C2orf49: variants seen among roughly 807,000 people sequenced by gnomAD.
C2orf49 encodes the protein tRNA splicing ligase complex subunit 2, also known as tRNA-splicing ligase complex subunit ASW.
A neutral mutation model predicts 20.6 loss-of-function variants in C2orf49; 11 were observed. The observed-to-expected ratio is 0.53, with a 90% CI of 0.34 to 0.88. C2orf49 has a LOEUF of 0.88. Among genes scored for constraint, C2orf49 ranks in the 40% least tolerant of loss-of-function variants. The pLI is 0.02. For synonymous variants in C2orf49, 134 were observed against 108.5 expected (o/e 1.24, Z -1.46); for missense variants, 289 against 274.2 (o/e 1.05, Z -0.38).
In C2orf49 at chr2:105,347,956, T is replaced by C. The variant is rs1457488398; in HGVS notation, c.*2585T>C. On this transcript the variant is annotated 3_prime_UTR_variant, in exon 4 of 4. Transcript: ENST00000258457. Reference sequence around the variant, plus strand: ...GAATTAGTGGGTGGCTTGTAAGTTGTAGTTATAGGCACTTTACCACTTCCT... The same window carrying C: ...GAATTAGTGGGTGGCTTGTAAGTTGCAGTTATAGGCACTTTACCACTTCCT... 6 of 152,232 alleles carry C rather than the reference T, an allele frequency of 3.9e-5. No individual in the cohort carries two copies. Among genetic ancestry groups the C allele is most frequent in the Admixed American group, 3.9e-4 (6 of 15,278 alleles). The allele number at this position is 152,232 out of a possible 1,614,324, so 9.4% of individuals were successfully genotyped here.
At chr2:105,381,485 C>A in the C2orf49 span, among the ~76,000 whole-genome samples, 1 of 152,094 alleles carries the variant, frequency 6.6e-6, no homozygotes, top group South Asian at 2.1e-4. Flanking sequence ...AGATTTGGTT[C>A]CGGGGTCCAG....
the C2orf49 span, among the ~76,000 whole-genome samples, chr2:105,364,549 T>G: frequency 6.6e-6 from 1 of 152,334 alleles, no homozygotes; most frequent in South Asian, 2.1e-4. Context: ...TTACCTGATA[T>G]TTTTCTCCAA....
At chr2:105,371,833 T>A in the C2orf49 span, among the ~76,000 whole-genome samples, 1 of 152,310 alleles carries the variant, frequency 6.6e-6, no homozygotes, top group East Asian at 1.9e-4. Flanking sequence ...GTTCTTATTG[T>A]TACTGAGTGT....
At chr2:105,352,429 G>GTTTTTTTTTTTTTTTTTTTTTTTTTTTTT (rs61585149), downstream of C2orf49, among the ~76,000 whole-genome samples, 3 of 80,760 alleles carry the variant, frequency 3.7e-5, no homozygotes, top group African/African-American at 5.1e-5. Context: ...GTTTGTTTGG[G>GTTTTTTTTTTTTTTTTTTTTTTTTTTTTT]TTTTTTTTTT....
Position 105,346,148 on chromosome 2 carries a change from A to C in C2orf49, c.*777A>C, listed in dbSNP as rs916452434. 1 of 152,216 alleles carries C rather than the reference A, an allele frequency of 6.6e-6. No individual in the cohort carries two copies. Among genetic ancestry groups the C allele is most frequent in the African/African-American group, 2.4e-5 (1 of 41,456 alleles). 9.4% of individuals were successfully genotyped at this position (152,216 alleles called of 1,614,324 possible). A position where few individuals can be genotyped will look rare whatever the true frequency, so the allele number is the denominator to read the frequency against. The stretch of plus-strand genomic sequence containing the variant: ...CCAATTTATCACAGTATTTTAGTAA[A>C]TACTGCAACATTCATCCTTAAATGT... On this transcript the variant is annotated 3_prime_UTR_variant, in exon 4 of 4. Transcript: ENST00000258457.
the C2orf49 span, chr2:105,367,582 AAC>A: frequency 1.9e-6 from 3 of 1,613,432 alleles, no homozygotes; most frequent in Non-Finnish European, 2.5e-6. Flanking sequence ...TTTTGCACTG[AAC>A]GCACTGCATG....
chr2:105,363,592 C>A, the C2orf49 span: 1 of 896,096 alleles, frequency 1.1e-6, no homozygotes, highest in Non-Finnish European at 1.7e-6. Flanking sequence ...GTTAAGTCAC[C>A]AAGAAGCTGC....
At chr2:105,363,372 T>C in the C2orf49 span, 2 of 1,614,172 alleles carry the variant, frequency 1.2e-6, no homozygotes, top group African/African-American at 1.3e-5. Context: ...TCGCGAGCTG[T>C]GAAGCGCTGC....
the C2orf49 span, among the ~76,000 whole-genome samples, chr2:105,355,466 A>G: frequency 6.6e-6 from 1 of 152,326 alleles, no homozygotes; most frequent in East Asian, 1.9e-4. Context: ...AGTGATTAAC[A>G]CAAGTCAGAG....
the C2orf49 span, among the ~76,000 whole-genome samples, chr2:105,381,890 G>A: frequency 9.9e-3 from 1,508 of 152,180 alleles, 20 homozygotes; most frequent in African/African-American, 0.034. Context: ...CCAGAAAAGG[G>A]TCCAGAAAGA....
chr2:105,358,410 G>A, the C2orf49 span: 1 of 152,240 alleles, frequency 6.6e-6, no homozygotes, highest in African/African-American at 2.4e-5. Flanking sequence ...GCAGGCTAGG[G>A]TAGGGGCAAT....
chr2:105,348,549 T>C lies in C2orf49; in HGVS notation c.*3178T>C, dbSNP rs1205985618. 2.0e-5 allele frequency: 3 copies of C among 147,684 alleles called. No homozygotes were observed. Among genetic ancestry groups the C allele is most frequent in the African/African-American group, 4.9e-5 (2 of 40,624 alleles). The allele number at this position is 147,684 out of a possible 1,614,324, so 9.1% of individuals were successfully genotyped here. ...AATCATATATATATATATATATATA[T>C]ATATATATGTAAGAGCTTCCTCTAT... is the stretch of plus-strand genomic sequence containing the variant. On this transcript the variant is annotated 3_prime_UTR_variant, in exon 4 of 4. Coordinates refer to ENST00000258457, the MANE Select transcript of C2orf49 (RefSeq NM_024093.3).
At chr2:105,337,908 G>A (rs889721113) in intron 1 of C2orf49, among the ~76,000 whole-genome samples, 11 of 152,188 alleles carry the variant, frequency 7.2e-5, no homozygotes, top group Non-Finnish European at 1.0e-4. Context: ...GGGAAATAGG[G>A]CTTATCTATC....
intron 1 of C2orf49, among the ~76,000 whole-genome samples, 199 bp downstream of exon 1, chr2:105,337,885 A>C (rs1679547743): frequency 6.6e-6 from 1 of 152,190 alleles, no homozygotes; most frequent in South Asian, 2.1e-4. Flanking sequence ...TCCGTAGAAT[A>C]TCAGGAATGC....
chr2:105,354,575 A>G, the C2orf49 span, among the ~76,000 whole-genome samples: 1 of 152,174 alleles, frequency 6.6e-6, no homozygotes, highest in Non-Finnish European at 1.5e-5. Flanking sequence ...CTGAAGCAAA[A>G]GACTCAACTG....
chr2:105,340,319 G>A (rs1558665928), intron 2 of C2orf49, among the ~76,000 whole-genome samples: 1 of 152,214 alleles, frequency 6.6e-6, no homozygotes, highest in African/African-American at 2.4e-5. Flanking sequence ...ATCATTAGAT[G>A]TACATTTTGA....
At chr2:105,349,413 CAT>C (rs1254274161), downstream of C2orf49, among the ~76,000 whole-genome samples, 1 of 152,182 alleles carries the variant, frequency 6.6e-6, no homozygotes, top group Non-Finnish European at 1.5e-5. Context: ...GTACTTAACA[CAT>C]AGATTCTTCA....
the C2orf49 span, among the ~76,000 whole-genome samples, chr2:105,366,192 A>G: frequency 1.3e-5 from 2 of 152,064 alleles, no homozygotes; most frequent in African/African-American, 4.8e-5. Flanking sequence ...CCTGGGCGAC[A>G]GTGTGAGATT....
chr2:105,355,940 A>C, the C2orf49 span, among the ~76,000 whole-genome samples: 1 of 152,164 alleles, frequency 6.6e-6, no homozygotes, highest in African/African-American at 2.4e-5. Flanking sequence ...GTGTTTGAAT[A>C]AAACTTTTTT....
Sources: gnomAD v4.1 joint callset for allele counts (sites outside exome capture counted in the v4.1 genomes callset) on GRCh38, gnomAD v4.1.1 for gene constraint, MANE v1.5 for transcripts, NCBI Gene and HGNC (gene_info 2026-07-23, HGNC 2026-07-21) for gene names.